The following FAM135A variants were observed in gnomAD, a reference collection of about 807,000 sequenced individuals.
The protein encoded by FAM135A is family with sequence similarity 135 member A.
FAM135A carries 79 observed loss-of-function variants against 146.8 expected under a neutral mutation model. The observed-to-expected ratio is 0.54, with a 90% CI of 0.45 to 0.65. The LOEUF is 0.65. Ranked by LOEUF, FAM135A falls within the 30% of genes least tolerant of loss-of-function variation. The pLI is 0.00. For synonymous variants in FAM135A, 562 were observed against 603.6 expected, an observed-to-expected ratio of 0.93 and a Z score of 1.01; for missense variants, 1,623 against 1,758.2, an observed-to-expected ratio of 0.92 and a Z score of 1.38.
At chr6:70,511,940 A>G (rs897100214) in intron 12 of FAM135A, among the ~76,000 whole-genome samples, 1 of 151,926 alleles carries the variant, frequency 6.6e-6, no homozygotes, top group African/African-American at 2.4e-5. Context: ...AAAATATGGC[A>G]TTGTAATTTT....
intron 10 of FAM135A, among the ~76,000 whole-genome samples, chr6:70,482,729 T>G (rs969253988): frequency 6.6e-5 from 10 of 152,160 alleles, no homozygotes; most frequent in African/African-American, 2.4e-4. Flanking sequence ...TAATAAAAAA[T>G]CATATTGCCT....
At chr6:70,539,990 C>T (rs911032330) in intron 20 of FAM135A, among the ~76,000 whole-genome samples, 2 of 151,848 alleles carry the variant, frequency 1.3e-5, no homozygotes, top group African/African-American at 4.8e-5. Context: ...AGTGAGACTC[C>T]GTCTCAAAAA....
At chr6:70,499,210 T>A (rs1281588930) in intron 11 of FAM135A, among the ~76,000 whole-genome samples, 1 of 152,236 alleles carries the variant, frequency 6.6e-6, no homozygotes, top group Non-Finnish European at 1.5e-5. Context: ...GTTGAATTGA[T>A]CCCTTTACCA....
chr6:70,485,020 T>C (rs1374801817), intron 10 of FAM135A, among the ~76,000 whole-genome samples: 1 of 152,214 alleles, frequency 6.6e-6, no homozygotes, highest in East Asian at 1.9e-4. Context: ...ACAGAATGAA[T>C]GTCAACTTTA....
chr6:70,427,988 C>A (rs73474966), intron 3 of FAM135A, among the ~76,000 whole-genome samples: 31,546 of 151,876 alleles, frequency 0.21, 3,556 homozygotes, highest in African/African-American at 0.29. Flanking sequence ...TAAAAAAGTT[C>A]CTATCTATAA....
chr6:70,509,626 T>G (rs954168062), intron 12 of FAM135A, among the ~76,000 whole-genome samples: 2 of 152,208 alleles, frequency 1.3e-5, no homozygotes, highest in Admixed American at 1.3e-4. Context: ...ATTATCTGTG[T>G]AAGGCACTAA....
chr6:70,425,752 T>C (rs942197183), intron 2 of FAM135A, among the ~76,000 whole-genome samples: 1 of 152,222 alleles, frequency 6.6e-6, no homozygotes, highest in Admixed American at 6.5e-5. Flanking sequence ...TGCACACACA[T>C]ACATATATAC....
intron 17 of FAM135A, 45 bp from the exon 18 acceptor site, chr6:70,533,712 A>T: frequency 8.8e-7 from 1 of 1,139,552 alleles, no homozygotes; most frequent in South Asian, 1.4e-5. Flanking sequence ...TCATGTGATT[A>T]TACATATTCC....
At chr6:70,550,411 A>G (rs375713417) in intron 20 of FAM135A, among the ~76,000 whole-genome samples, 8 of 152,248 alleles carry the variant, frequency 5.3e-5, no homozygotes, top group African/African-American at 1.9e-4. Context: ...TGGGCTGCAG[A>G]ATAGATTTTG....
intron 4 of FAM135A, among the ~76,000 whole-genome samples, chr6:70,445,419 A>G (rs1462619454): frequency 2.0e-5 from 3 of 152,174 alleles, no homozygotes; most frequent in African/African-American, 7.2e-5. Flanking sequence ...CACACACACA[A>G]AAATGTAGAG....
chr6:70,444,845 TA>T (rs1164062751), intron 4 of FAM135A, among the ~76,000 whole-genome samples: 4 of 152,230 alleles, frequency 2.6e-5, no homozygotes, highest in African/African-American at 7.2e-5. Flanking sequence ...ATGTGGAGAT[TA>T]AAAAATTTTT....
At chr6:70,532,942 AG>A (rs1329712483) in intron 16 of FAM135A, among the ~76,000 whole-genome samples, 2 of 151,986 alleles carry the variant, frequency 1.3e-5, no homozygotes, top group East Asian at 3.9e-4. Flanking sequence ...AAAAAAAAAA[AG>A]AAAGAAAAAA....
At chr6:70,546,698 A>G (rs1350570893) in intron 20 of FAM135A, among the ~76,000 whole-genome samples, 2 of 152,208 alleles carry the variant, frequency 1.3e-5, no homozygotes, top group Admixed American at 1.3e-4. Flanking sequence ...GGTTACAGAA[A>G]TGTTACTTTT....
intron 20 of FAM135A, among the ~76,000 whole-genome samples, chr6:70,538,835 A>ATTATGTTATG (rs1554166984): frequency 6.8e-6 from 1 of 146,076 alleles, no homozygotes; most frequent in African/African-American, 2.5e-5. Flanking sequence ...ATTATATTAT[A>ATTATGTTATG]TTATATTATA....
chr6:70,475,391 C>A lies in FAM135A; in HGVS notation c.158-19C>A. On this transcript the variant is annotated intron_variant, in intron 5 of 21. Transcript: ENST00000418814. ...ATATTTTACTTTTATCTGTCAATTA[C>A]ATATCTTATCTGTTTTAGGTATGAC... The A allele has an allele frequency of 3.2e-6, 5 of 1,541,106 alleles. No homozygotes were observed. The highest frequency in any genetic ancestry group is 4.4e-6 in the Non-Finnish European group (5 of 1,146,620).
intron 20 of FAM135A, among the ~76,000 whole-genome samples, chr6:70,547,722 G>A (rs371421324): frequency 6.6e-6 from 1 of 152,286 alleles, no homozygotes; most frequent in East Asian, 1.9e-4. Flanking sequence ...GAATTGGAAA[G>A]ACTTTAGACT....
At chr6:70,496,145 A>G (rs1017560870) in intron 11 of FAM135A, among the ~76,000 whole-genome samples, 1 of 152,216 alleles carries the variant, frequency 6.6e-6, no homozygotes, top group Non-Finnish European at 1.5e-5. Context: ...TCCTTTGGGT[A>G]TAAACCCAGT....
chr6:70,543,394 C>G (rs909154544), intron 20 of FAM135A, among the ~76,000 whole-genome samples: 1 of 152,072 alleles, frequency 6.6e-6, no homozygotes, highest in Non-Finnish European at 1.5e-5. Flanking sequence ...AGGATTCTGC[C>G]TTAAATGTTG....
chr6:70,542,661 A>G lies in FAM135A; in HGVS notation c.4228+4260A>G, dbSNP rs16869345. Reference sequence around the variant, plus strand: ...AATTCTCCCATCTCAGCTGTCCCATATATACTTTTATGTCCCCAATCTTAT... The same window carrying G: ...AATTCTCCCATCTCAGCTGTCCCATGTATACTTTTATGTCCCCAATCTTAT... On this transcript the variant is annotated intron_variant, in intron 20 of 21. Transcript: ENST00000418814. 4.2e-3 allele frequency among the ~76,000 whole-genome samples: 642 copies of G among 152,194 alleles called. 4 individuals carry two copies. Among genetic ancestry groups the G allele is most frequent in the African/African-American group, 0.015 (605 of 41,528 alleles).
Sources: gnomAD v4.1 joint callset for allele counts (sites outside exome capture counted in the v4.1 genomes callset) on GRCh38, gnomAD v4.1.1 for gene constraint, MANE v1.5 for transcripts, NCBI Gene and HGNC (gene_info 2026-07-23, HGNC 2026-07-21) for gene names.